The following MEGF11 variants were observed in gnomAD, a reference collection of about 807,000 sequenced individuals.
MEGF11 encodes the protein multiple epidermal growth factor-like domains protein 11.
A neutral mutation model predicts 146.6 loss-of-function variants in MEGF11; 126 were observed. The observed-to-expected ratio is 0.86, with a 90% CI of 0.74 to 1.00. MEGF11 has a LOEUF of 1.00. Ranked by LOEUF, MEGF11 falls within the 50% of genes least tolerant of loss-of-function variation. The pLI is 0.00. For synonymous variants in MEGF11, 532 were observed against 583.4 expected (o/e 0.91, Z 1.27); for missense variants, 1,509 against 1,521.2 (o/e 0.99, Z 0.13).
chr15:66,086,258 C>T (rs2140596819), intron 5 of MEGF11, among the ~76,000 whole-genome samples: 1 of 152,336 alleles, frequency 6.6e-6, no homozygotes, highest in South Asian at 2.1e-4. Flanking sequence ...TCAACAAAAA[C>T]TTCCCTGGCC....
At chr15:65,930,349 G>C (rs1046063815) in intron 11 of MEGF11, among the ~76,000 whole-genome samples, 1 of 152,162 alleles carries the variant, frequency 6.6e-6, no homozygotes, top group Admixed American at 6.5e-5. Context: ...TCCCAGCCAG[G>C]CTGCCTGCAG....
At chr15:66,035,297 T>C (rs2083686285) in intron 5 of MEGF11, among the ~76,000 whole-genome samples, 2 of 151,268 alleles carry the variant, frequency 1.3e-5, no homozygotes, top group African/African-American at 4.9e-5. Context: ...CTACTGCTGC[T>C]GCTGCCGCTG....
chr15:65,969,490 C>T (rs1265672110), intron 8 of MEGF11, among the ~76,000 whole-genome samples: 2 of 152,174 alleles, frequency 1.3e-5, no homozygotes, highest in African/African-American at 4.8e-5. Flanking sequence ...AACACTGGCT[C>T]ACAAAGAGAT....
chr15:66,058,239 G>A (rs533053120), intron 5 of MEGF11, among the ~76,000 whole-genome samples: 3 of 152,146 alleles, frequency 2.0e-5, no homozygotes, highest in Admixed American at 6.5e-5. Flanking sequence ...ACAGGGCAAC[G>A]GCAGTAAATG....
At chr15:66,142,961 G>A (rs1230509894) in intron 1 of MEGF11, among the ~76,000 whole-genome samples, 1 of 152,174 alleles carries the variant, frequency 6.6e-6, no homozygotes, top group Non-Finnish European at 1.5e-5. Context: ...TGTAAAAGGA[G>A]GTTGACTGAC....
intron 1 of MEGF11, among the ~76,000 whole-genome samples, chr15:66,171,723 C>T (rs974569051): frequency 4.7e-5 from 7 of 150,424 alleles, no homozygotes; most frequent in African/African-American, 1.7e-4. Flanking sequence ...CTGAGAGGGT[C>T]CCCCCAGCCC....
chr15:66,244,498 C>T (rs917547754), intron 1 of MEGF11, among the ~76,000 whole-genome samples: 3 of 152,030 alleles, frequency 2.0e-5, no homozygotes, highest in Admixed American at 6.6e-5. Flanking sequence ...ACCCAAAGGT[C>T]GGGAGAACTT....
In MEGF11 at chr15:66,234,514, G is replaced by A. The variant is rs144929836; in HGVS notation, c.-9+19091C>T. Among the ~76,000 whole-genome samples the A allele has an allele frequency of 8.5e-5, 13 of 152,324 alleles. No homozygotes were observed. In the East Asian group the frequency reaches 2.5e-3, roughly 29 times the overall value. On this transcript the variant is annotated intron_variant, in intron 1 of 25. Transcript: ENST00000395614. Reference sequence around the variant, plus strand: ...AGGCTGTCAAACTAGACAGACCCAGGCATGGTTCTGCCCCCTTGACCTTGG... The same window carrying A: ...AGGCTGTCAAACTAGACAGACCCAGACATGGTTCTGCCCCCTTGACCTTGG...
intron 1 of MEGF11, among the ~76,000 whole-genome samples, chr15:66,195,951 G>A (rs556047411): frequency 4.1e-4 from 62 of 152,350 alleles, no homozygotes; most frequent in East Asian, 5.8e-4. Flanking sequence ...AGCGGTGTCT[G>A]TACAAGCTGT....
rs112675228 is a variant in MEGF11, at chr15:66,146,776, G to A, written c.-8-18365C>T. Among the ~76,000 whole-genome samples the A allele has an allele frequency of 1.5e-3, 227 of 152,376 alleles. 1 individual carries two copies. The highest frequency in any genetic ancestry group is 5.0e-3 in the African/African-American group (209 of 41,594). On this transcript the variant is annotated intron_variant, in intron 1 of 25. Coordinates refer to ENST00000395614, the MANE Select transcript of MEGF11 (RefSeq NM_001385028.1). ...CACGCCGAGTAGCTGGAAGGCAGTGGGGGCAGAGGGACAAAACGGGGTCCT... is the reference window on the plus strand; with the variant it reads ...CACGCCGAGTAGCTGGAAGGCAGTGAGGGCAGAGGGACAAAACGGGGTCCT...
At chr15:66,023,233 GGA>G (rs1445624188) in intron 5 of MEGF11, among the ~76,000 whole-genome samples, 2 of 151,976 alleles carry the variant, frequency 1.3e-5, no homozygotes, top group Non-Finnish European at 2.9e-5. Context: ...ACCGTCCTCT[GGA>G]GAGAGGCCAG....
intron 1 of MEGF11, among the ~76,000 whole-genome samples, chr15:66,152,648 G>A (rs1253938322): frequency 6.6e-6 from 1 of 152,222 alleles, no homozygotes; most frequent in Non-Finnish European, 1.5e-5. Context: ...TAAGATCTCT[G>A]TGGAGAGAAG....
At position 66,076,164 on chromosome 15, in the gene MEGF11, C is replaced by T. The variant is rs74018165; in HGVS notation, c.394+18238G>A. Among the ~76,000 whole-genome samples the T allele has an allele frequency of 9.4e-3, 1,432 of 151,846 alleles. 24 individuals are homozygous for T. The highest frequency in any genetic ancestry group is 0.033 in the African/African-American group (1,364 of 41,388). ...TGATGGACAGATGGATGGACTGATA[C>T]ATAGTTGGACAAGGGGATGAATGGT... On this transcript the variant is annotated intron_variant, in intron 5 of 25. Transcript: ENST00000395614.
At chr15:65,978,515 C>T (rs1344886930) in intron 7 of MEGF11, among the ~76,000 whole-genome samples, 5 of 152,236 alleles carry the variant, frequency 3.3e-5, no homozygotes, top group Non-Finnish European at 5.9e-5. Context: ...GAAATACAAT[C>T]CCTCCATGTG....
chr15:66,211,428 G>A (rs907572445), intron 1 of MEGF11, among the ~76,000 whole-genome samples: 10 of 152,090 alleles, frequency 6.6e-5, no homozygotes, highest in East Asian at 5.8e-4. Context: ...GGAGGCTGAG[G>A]CAGGAAAATG....
rs1466515613 is a variant in MEGF11 at position 66,094,463 on chromosome 15, G to A, written c.333C>T (p.Arg111=). ...PLCTEECVHG[R]CVSPDTCHCE... ...AGTGGCAGGTGTCCGGGGAAACGCA[G>A]CGGCCGTGCACACACTCCTCCGTAC... The change falls in exon 5 of 26, where the codon CGC becomes CGT. Residue 111 remains arginine (R), a synonymous_variant. Transcript: ENST00000395614. 2.6e-6 allele frequency: 4 copies of A among 1,560,546 alleles called. No homozygotes were observed. In the East Asian group the frequency reaches 7.2e-5, roughly 28 times the overall value.
chr15:65,950,110 C>T (rs567807928), intron 10 of MEGF11, among the ~76,000 whole-genome samples: 31 of 152,304 alleles, frequency 2.0e-4, no homozygotes, highest in African/African-American at 7.0e-4. Flanking sequence ...TGAGAGACCC[C>T]TTGGTGTAAA....
intron 5 of MEGF11, among the ~76,000 whole-genome samples, chr15:66,009,823 T>G (rs575883942): frequency 1.9e-4 from 29 of 152,154 alleles, no homozygotes; most frequent in African/African-American, 7.0e-4. Flanking sequence ...CTCGATCTCC[T>G]CACTTCGTGA....
chr15:66,219,319 G>A (rs576673933), intron 1 of MEGF11, among the ~76,000 whole-genome samples: 1 of 152,094 alleles, frequency 6.6e-6, no homozygotes, highest in Non-Finnish European at 1.5e-5. Context: ...GCCAACAAAG[G>A]ACTTATATCC....
Sources: gnomAD v4.1 joint callset for allele counts (sites outside exome capture counted in the v4.1 genomes callset) on GRCh38, gnomAD v4.1.1 for gene constraint, MANE v1.5 for transcripts, NCBI Gene and HGNC (gene_info 2026-07-23, HGNC 2026-07-21) for gene names.